GPR149: variants seen among roughly 807,000 people sequenced by gnomAD.
The protein encoded by GPR149 is G protein-coupled receptor 149.
A neutral mutation model predicts 50.2 loss-of-function variants in GPR149; 50 were observed. The observed-to-expected ratio is 1.00, with a 90% CI of 0.79 to 1.26. The LOEUF (loss-of-function observed/expected upper bound fraction) is 1.26, where lower values mean the gene tolerates loss of function less well. GPR149 is among the 50% of genes most tolerant of loss of function. The pLI, the probability that GPR149 is intolerant of heterozygous loss-of-function variation, is 0.00. For synonymous variants in GPR149, 405 were observed against 358.2 expected, an observed-to-expected ratio of 1.13 and a Z score of -1.48; for missense variants, 983 against 895.4, an observed-to-expected ratio of 1.10 and a Z score of -1.25.
intron 2 of GPR149, among the ~76,000 whole-genome samples, chr3:154,424,388 G>A (rs1254221462): frequency 6.6e-6 from 1 of 151,798 alleles, no homozygotes; most frequent in African/African-American, 2.4e-5. Flanking sequence ...GGAATGGTTT[G>A]TTAGGTTAGC....
rs911658554 is a variant in GPR149, at chr3:154,336,166, T to C, written c.*1533A>G. The C allele has an allele frequency of 1.3e-5, 2 of 152,072 alleles. No individual in the cohort carries two copies. The highest frequency in any genetic ancestry group is 4.8e-5 in the African/African-American group (2 of 41,446). The allele number at this position is 152,072 out of a possible 1,614,324, so 9.4% of individuals were successfully genotyped here. On this transcript the variant is annotated 3_prime_UTR_variant, in exon 4 of 4. Coordinates refer to ENST00000389740, the MANE Select transcript of GPR149 (RefSeq NM_001038705.3). Reference sequence around the variant, plus strand: ...TACAAACATTATTAGTGGTAATACATATGTTTCCCAAATTTAGATAACTAG... The same window carrying C: ...TACAAACATTATTAGTGGTAATACACATGTTTCCCAAATTTAGATAACTAG...
chr3:154,387,379 G>C (rs1427497795), intron 3 of GPR149, among the ~76,000 whole-genome samples: 1 of 152,120 alleles, frequency 6.6e-6, no homozygotes, highest in African/African-American at 2.4e-5. Flanking sequence ...CAAGGGCTTG[G>C]TCTTATTTGG....
intron 1 of GPR149, among the ~76,000 whole-genome samples, chr3:154,427,998 A>G (rs1312305987): frequency 1.3e-5 from 2 of 152,208 alleles, no homozygotes; most frequent in Non-Finnish European, 2.9e-5. Context: ...GACGCTAGCT[A>G]GGAAACAGGC....
intron 3 of GPR149, among the ~76,000 whole-genome samples, chr3:154,347,147 A>G (rs1713949502): frequency 6.6e-6 from 1 of 152,238 alleles, no homozygotes; most frequent in Admixed American, 6.5e-5. Context: ...TAATGAATAT[A>G]TATGAAGTGT....
At chr3:154,378,834 A>G (rs1184122263) in intron 3 of GPR149, among the ~76,000 whole-genome samples, 1 of 152,098 alleles carries the variant, frequency 6.6e-6, no homozygotes, top group African/African-American at 2.4e-5. Flanking sequence ...TTATGTGATT[A>G]TTAGCCACTT....
chr3:154,429,750 G>A lies in GPR149; in HGVS notation c.-135C>T, dbSNP rs1203469615. On this transcript the variant is annotated 5_prime_UTR_variant, in exon 1 of 4. Coordinates refer to ENST00000389740, the MANE Select transcript of GPR149 (RefSeq NM_001038705.3). ...AGATGTTCTCCTTGTCAGTCCTGCA[G>A]AAAATGGTCAGCCATGTCTCCTTTA... 2 of 724,348 alleles carry A rather than the reference G, an allele frequency of 2.8e-6. No homozygotes were observed. Among genetic ancestry groups the A allele is most frequent in the Non-Finnish European group, 4.6e-6 (2 of 437,116 alleles). 44.9% of individuals were successfully genotyped at this position (724,348 alleles called of 1,614,324 possible).
chr3:154,410,489 C>T (rs1389564702), intron 3 of GPR149, among the ~76,000 whole-genome samples: 2 of 151,842 alleles, frequency 1.3e-5, no homozygotes, highest in Non-Finnish European at 2.9e-5. Flanking sequence ...TCAGGAGACT[C>T]GCCTAACACG....
At chr3:154,405,704 CT>C (rs1711669172) in intron 3 of GPR149, among the ~76,000 whole-genome samples, 1 of 148,238 alleles carries the variant, frequency 6.7e-6, no homozygotes, top group Admixed American at 6.7e-5. Flanking sequence ...ATAAATAATA[CT>C]TTTTAATAAT....
chr3:154,417,637 G>A (rs889091958), intron 3 of GPR149, among the ~76,000 whole-genome samples: 5 of 151,918 alleles, frequency 3.3e-5, no homozygotes, highest in South Asian at 2.1e-4. Context: ...ATCAAAAGAA[G>A]TAGTGTTTTT....
intron 3 of GPR149, among the ~76,000 whole-genome samples, chr3:154,360,564 T>TAG (rs1269221781): frequency 6.6e-6 from 1 of 152,178 alleles, no homozygotes; most frequent in African/African-American, 2.4e-5. Context: ...CAATAAGTGG[T>TAG]AGAACTGGAA....
chr3:154,394,167 T>G (rs1289248565), intron 3 of GPR149, among the ~76,000 whole-genome samples: 2 of 152,044 alleles, frequency 1.3e-5, no homozygotes, highest in African/African-American at 4.8e-5. Context: ...TCAAAATACA[T>G]TACAAGGCTA....
intron 3 of GPR149, among the ~76,000 whole-genome samples, chr3:154,342,462 T>C (rs1053192663): frequency 3.3e-5 from 5 of 152,192 alleles, no homozygotes; most frequent in African/African-American, 9.6e-5. Context: ...TGGAGTGCAG[T>C]GGTACATGCG....
rs760377960 is a variant in GPR149, at chr3:154,429,402, C to A, written c.214G>T (p.Ala72Ser). ...ATGAGATCATCCACAGACCAGGAAGCCACAAGCATGGACACAACAGTTCTG... is the reference window on the plus strand; with the variant it reads ...ATGAGATCATCCACAGACCAGGAAGACACAAGCATGGACACAACAGTTCTG... ...QNRTVVSMLVASWSVDDLMSV... is the reference protein window; with the variant it reads ...QNRTVVSMLVSSWSVDDLMSV... The change falls in exon 1 of 4, where the codon GCT becomes TCT. Residue 72 changes from alanine (A) to serine (S), a missense_variant. Physicochemically the swap from Ala to Ser is moderately conservative, Grantham distance 99 (BLOSUM62 1). Coordinates refer to ENST00000389740, the MANE Select transcript of GPR149 (RefSeq NM_001038705.3). 1 of 1,614,114 alleles carries A rather than the reference C, an allele frequency of 6.2e-7. No individual in the cohort carries two copies. The highest frequency in any genetic ancestry group is 2.2e-5 in the East Asian group (1 of 44,868).
intron 3 of GPR149, chr3:154,353,639 T>A: frequency 7.3e-7 from 1 of 1,363,738 alleles, no homozygotes; most frequent in Non-Finnish European, 1.0e-6. Context: ...TAGTTTTATC[T>A]TTGAAGTCTT....
intron 3 of GPR149, among the ~76,000 whole-genome samples, chr3:154,347,537 T>G (rs1486114321): frequency 1.3e-5 from 2 of 152,170 alleles, no homozygotes; most frequent in Non-Finnish European, 2.9e-5. Flanking sequence ...CAATTCAAGA[T>G]GAGATTTAGG....
At chr3:154,378,055 C>T (rs1208216277) in intron 3 of GPR149, among the ~76,000 whole-genome samples, 1 of 148,492 alleles carries the variant, frequency 6.7e-6, no homozygotes, top group Non-Finnish European at 1.5e-5. Context: ...TATTGCTTAA[C>T]AGGATCTCAT....
In GPR149 at chr3:154,337,938, G is replaced by A. The variant is rs764929017; in HGVS notation, c.1957C>T (p.Arg653Cys). 50 of 1,613,258 alleles carry A rather than the reference G, an allele frequency of 3.1e-5. 1 individual carries two copies. In the South Asian group the frequency reaches 4.0e-4, roughly 13 times the overall value. ...AATCTGTTTTCTTTCCTGGAGTAACGTAGGGATGGAGATCTGACTTGTGTG... is the reference window on the plus strand; with the variant it reads ...AATCTGTTTTCTTTCCTGGAGTAACATAGGGATGGAGATCTGACTTGTGTG... ...SSTQVRSPSL[R>C]YSRKENRFVS... The change falls in exon 4 of 4, where the codon CGT becomes TGT. Residue 653 changes from arginine (R) to cysteine (C), a missense_variant. Coordinates refer to ENST00000389740, the MANE Select transcript of GPR149 (RefSeq NM_001038705.3).
chr3:154,393,559 A>G (rs1715217658), intron 3 of GPR149, among the ~76,000 whole-genome samples: 1 of 152,052 alleles, frequency 6.6e-6, no homozygotes, highest in African/African-American at 2.4e-5. Context: ...TATTCAGCAT[A>G]GTAGAGAAAT....
chr3:154,375,467 T>C (rs548915252), intron 3 of GPR149, among the ~76,000 whole-genome samples: 1 of 152,312 alleles, frequency 6.6e-6, no homozygotes, highest in East Asian at 1.9e-4. Flanking sequence ...AAACATTATT[T>C]TTACCAGAGG....
Sources: gnomAD v4.1 joint callset for allele counts (sites outside exome capture counted in the v4.1 genomes callset) on GRCh38, gnomAD v4.1.1 for gene constraint, MANE v1.5 for transcripts, NCBI Gene and HGNC (gene_info 2026-07-23, HGNC 2026-07-21) for gene names.